Variants in PRKG1 observed in about 807,000 individuals in gnomAD.
PRKG1 encodes the protein protein kinase cGMP-dependent 1.
A neutral mutation model predicts 88.1 loss-of-function variants in PRKG1; 35 were observed. The ratio of observed to expected loss-of-function variants is 0.40; its 90% CI spans 0.30 to 0.53. The LOEUF is 0.53. Among genes scored for constraint, PRKG1 ranks in the 20% least tolerant of loss-of-function variants. The probability of loss-of-function intolerance (pLI) is 0.59; values close to 1 mark genes in which losing one functional copy is unlikely to be tolerated. For synonymous variants in PRKG1, 303 were observed against 292.5 expected, an observed-to-expected ratio of 1.04 and a Z score of -0.37; for missense variants, 540 against 839.8, an observed-to-expected ratio of 0.64 and a Z score of 4.41.
intron 3 of PRKG1, among the ~76,000 whole-genome samples, chr10:51,799,414 C>G (rs1839106494): frequency 6.6e-6 from 1 of 152,008 alleles, no homozygotes; most frequent in Non-Finnish European, 1.5e-5. Context: ...CCAAGGGACA[C>G]ATTTTCTTCT....
intron 7 of PRKG1, among the ~76,000 whole-genome samples, chr10:52,088,576 AT>A (rs1287983739): frequency 1.4e-4 from 22 of 152,150 alleles, no homozygotes; most frequent in Admixed American, 5.2e-4. Flanking sequence ...CACAGCGTTC[AT>A]GTCTTTTTCC....
chr10:51,999,852 T>C (rs1318420149), intron 5 of PRKG1, among the ~76,000 whole-genome samples: 6 of 152,206 alleles, frequency 3.9e-5, no homozygotes, highest in South Asian at 4.1e-4. Context: ...TTTTCAACTA[T>C]ATATTTTTTA....
At chr10:51,848,164 A>G (rs764814310) in intron 4 of PRKG1, among the ~76,000 whole-genome samples, 10 of 152,168 alleles carry the variant, frequency 6.6e-5, no homozygotes, top group South Asian at 2.1e-4. Flanking sequence ...CTAGATTTCA[A>G]AGATGTATGT....
At chr10:51,422,258 G>C (rs1838437508) in intron 2 of PRKG1, among the ~76,000 whole-genome samples, 1 of 152,190 alleles carries the variant, frequency 6.6e-6, no homozygotes, top group Non-Finnish European at 1.5e-5. Flanking sequence ...GTTCTGGTTT[G>C]GTTAAGAGAT....
At chr10:51,823,455 A>G (rs973354470) in intron 4 of PRKG1, among the ~76,000 whole-genome samples, 3 of 151,996 alleles carry the variant, frequency 2.0e-5, no homozygotes, top group African/African-American at 7.2e-5. Context: ...CTCAGGAGCC[A>G]ATTGTAACAT....
At chr10:51,844,801 T>A (rs1840360270) in intron 4 of PRKG1, among the ~76,000 whole-genome samples, 1 of 152,042 alleles carries the variant, frequency 6.6e-6, no homozygotes, top group African/African-American at 2.4e-5. Context: ...AGGGAGGTGA[T>A]GTTGTATCAA....
chr10:51,898,003 C>T (rs1841892780), intron 4 of PRKG1, among the ~76,000 whole-genome samples: 1 of 152,072 alleles, frequency 6.6e-6, no homozygotes, highest in African/African-American at 2.4e-5. Context: ...CCCACCCTTA[C>T]CTCTTGATGT....
At chr10:51,160,261 C>A (rs1486283347) in intron 2 of PRKG1, among the ~76,000 whole-genome samples, 1 of 152,088 alleles carries the variant, frequency 6.6e-6, no homozygotes, top group Non-Finnish European at 1.5e-5. Context: ...TGCACGTATT[C>A]TTCTACCACT....
At chr10:51,548,083 TTGGAAGAACAAATTGTTCTC>T (rs1461720339) in intron 3 of PRKG1, among the ~76,000 whole-genome samples, 3 of 152,114 alleles carry the variant, frequency 2.0e-5, no homozygotes, top group African/African-American at 7.2e-5. Flanking sequence ...AAAGAACAAT[TTGGAAGAACAAATTGTTCTC>T]TGGAAGAACA....
At chr10:52,036,271 G>A (rs1845607579) in intron 5 of PRKG1, among the ~76,000 whole-genome samples, 1 of 151,874 alleles carries the variant, frequency 6.6e-6, no homozygotes, top group African/African-American at 2.4e-5. Context: ...CAGAATAATA[G>A]GTTATAGAGG....
intron 5 of PRKG1, among the ~76,000 whole-genome samples, chr10:51,992,919 C>T (rs1227487262): frequency 1.3e-5 from 2 of 151,992 alleles, no homozygotes; most frequent in African/African-American, 4.8e-5. Flanking sequence ...TTGATTTTGC[C>T]AGTTTGATTA....
chr10:51,103,019 A>C (rs185217212), intron 1 of PRKG1, among the ~76,000 whole-genome samples: 119 of 152,314 alleles, frequency 7.8e-4, no homozygotes, highest in Middle Eastern at 3.4e-3. Context: ...GCAGAGCACA[A>C]AACCAGCTCT....
rs112309658 is a variant in PRKG1, at chr10:51,133,236, A to T, written c.312-19928A>T. ...ATACTATACTCCCAATCCCATAAGC[A>T]CTCCAGCCACACATGCCAATTGTAG... On this transcript the variant is annotated intron_variant, in intron 1 of 17. Coordinates refer to ENST00000373980, the MANE Select transcript of PRKG1 (RefSeq NM_006258.4). Among the ~76,000 whole-genome samples the T allele has an allele frequency of 2.4e-3, 367 of 152,204 alleles. 3 individuals are homozygous for T. The highest frequency in any genetic ancestry group is 8.5e-3 in the African/African-American group (352 of 41,526).
At chr10:51,533,334 T>C (rs1210230945) in intron 3 of PRKG1, among the ~76,000 whole-genome samples, 1 of 152,240 alleles carries the variant, frequency 6.6e-6, no homozygotes, top group Non-Finnish European at 1.5e-5. Context: ...GAACAACTGC[T>C]TTCCTCTATT....
intron 1 of PRKG1, among the ~76,000 whole-genome samples, chr10:51,017,861 A>G (rs1358512122): frequency 5.3e-5 from 8 of 151,954 alleles, no homozygotes; most frequent in Non-Finnish European, 1.0e-4. Context: ...GTGTGGTGGC[A>G]CTATCATGGC....
intron 3 of PRKG1, among the ~76,000 whole-genome samples, chr10:51,704,257 A>ATAGATAGATAGG (rs1393591385): frequency 6.6e-6 from 1 of 152,010 alleles, no homozygotes; most frequent in African/African-American, 2.4e-5. Context: ...AGACAGATAG[A>ATAGATAGATAGG]TAGATAGATA....
intron 5 of PRKG1, among the ~76,000 whole-genome samples, chr10:52,000,858 C>G (rs74132891): frequency 0.018 from 2,682 of 152,018 alleles, 82 homozygotes; most frequent in African/African-American, 0.061. Context: ...AATAAAATCC[C>G]TTTACAACCA....
intron 5 of PRKG1, among the ~76,000 whole-genome samples, chr10:51,974,588 A>G (rs1002541059): frequency 6.6e-6 from 1 of 152,030 alleles, no homozygotes; most frequent in African/African-American, 2.4e-5. Flanking sequence ...CCTCTCTTTC[A>G]TATGTCCATA....
chr10:51,450,186 T>C (rs1236860477), intron 2 of PRKG1, among the ~76,000 whole-genome samples: 1 of 151,948 alleles, frequency 6.6e-6, no homozygotes, highest in Admixed American at 6.6e-5. Context: ...TTAGGTTTCT[T>C]TATAAAAAGT....
Sources: gnomAD v4.1 joint callset for allele counts (sites outside exome capture counted in the v4.1 genomes callset) on GRCh38, gnomAD v4.1.1 for gene constraint, MANE v1.5 for transcripts, NCBI Gene and HGNC (gene_info 2026-07-23, HGNC 2026-07-21) for gene names.